The following HPSE variants were observed in gnomAD, a reference collection of about 807,000 sequenced individuals.
HPSE encodes heparanase.
Under a neutral mutation model 65.1 loss-of-function variants are expected in HPSE, and 48 were observed. The ratio of observed to expected loss-of-function variants is 0.74; its 90% CI spans 0.58 to 0.94. HPSE has a LOEUF of 0.94. HPSE is among the 40% of genes least tolerant of loss of function. The probability of loss-of-function intolerance (pLI) is 0.00; values close to 1 mark genes in which losing one functional copy is unlikely to be tolerated. For synonymous variants in HPSE, 243 were observed against 260.0 expected (o/e 0.93, Z 0.63); for missense variants, 644 against 637.5 (o/e 1.01, Z -0.11).
chr4:83,322,385 A>G (rs975783481), intron 1 of HPSE, 21 bp from the exon 2 acceptor site: 2 of 1,590,664 alleles, frequency 1.3e-6, no homozygotes, highest in Non-Finnish European at 1.7e-6. Flanking sequence ...GACAAGCAAG[A>G]AAGTATAACT....
At chr4:83,297,403 C>T (rs191681547) in intron 11 of HPSE, among the ~76,000 whole-genome samples, 2 of 151,816 alleles carry the variant, frequency 1.3e-5, no homozygotes, top group African/African-American at 4.8e-5. Flanking sequence ...TTCTTCCCCC[C>T]ACCCCAGCAC....
intron 1 of HPSE, among the ~76,000 whole-genome samples, chr4:83,325,160 T>C (rs1182987830): frequency 1.3e-5 from 2 of 151,022 alleles, no homozygotes; most frequent in Non-Finnish European, 3.0e-5. Flanking sequence ...TGTGTGTGTG[T>C]GTGTGTGTGT....
intron 4 of HPSE, among the ~76,000 whole-genome samples, chr4:83,312,346 C>A (rs1736415088): frequency 6.6e-6 from 1 of 152,162 alleles, no homozygotes; most frequent in Admixed American, 6.5e-5. Context: ...TGAGCACTTG[C>A]AAGAATGTGC....
chr4:83,334,881 T>G, upstream of HPSE: 1 of 1,431,628 alleles, frequency 7.0e-7, no homozygotes, highest in Non-Finnish European at 9.1e-7. Context: ...CCTTTTCTCC[T>G]TTCCTCCGCC....
chr4:83,334,914 C>G (rs557867176), upstream of HPSE: 37 of 1,370,180 alleles, frequency 2.7e-5, no homozygotes, highest in African/African-American at 4.7e-4. Context: ...CTCACCCCTC[C>G]CACTGCGCCC....
At chr4:83,333,635 G>A (rs1201345511) in intron 1 of HPSE, among the ~76,000 whole-genome samples, 1 of 152,120 alleles carries the variant, frequency 6.6e-6, no homozygotes, top group Non-Finnish European at 1.5e-5. Flanking sequence ...TGCATTCATG[G>A]GGCAGGAGCC....
intron 3 of HPSE, among the ~76,000 whole-genome samples, chr4:83,313,677 A>AAAT (rs1392379558): frequency 6.6e-6 from 1 of 152,208 alleles, no homozygotes; most frequent in Non-Finnish European, 1.5e-5. Context: ...TTCAGTTAAA[A>AAAT]AATATTTTGA....
chr4:83,309,052 G>C (rs1196594121), intron 7 of HPSE, 101 bp from the exon 8 acceptor site: 2 of 817,664 alleles, frequency 2.4e-6, no homozygotes, highest in African/African-American at 3.4e-5. Flanking sequence ...TGTATTCCTA[G>C]ACCCACCCCT....
At chr4:83,311,126 T>C (rs1346259171) in intron 4 of HPSE, among the ~76,000 whole-genome samples, 1 of 149,944 alleles carries the variant, frequency 6.7e-6, no homozygotes, top group Non-Finnish European at 1.5e-5. Flanking sequence ...CTGGGTAACA[T>C]AGTAAAGCCC....
Position 83,302,221 on chromosome 4 carries a change from C to CA in HPSE, c.1253dup (p.Leu419ValfsTer23). The CA allele has an allele frequency of 6.2e-7, 1 of 1,613,958 alleles. No individual in the cohort carries two copies. ...TTGAACCTTGCACGCTTGCCATTAA[C>CA]ACCTTGGTGCCCACCAATTTCTTGA... On this transcript the variant is annotated frameshift_variant, in exon 10 of 12. Coordinates refer to ENST00000311412, the MANE Select transcript of HPSE (RefSeq NM_001098540.3). LOFTEE classifies it high-confidence loss of function.
At chr4:83,313,065 T>C in intron 4 of HPSE, 49 bp downstream of exon 4, 1 of 1,091,242 alleles carries the variant, frequency 9.2e-7, no homozygotes, top group Non-Finnish European at 1.3e-6. Context: ...AAAGAAATAA[T>C]GCTAGTGGGG....
At chr4:83,305,199 G>A (rs1423000332) in intron 9 of HPSE, among the ~76,000 whole-genome samples, 2 of 152,154 alleles carry the variant, frequency 1.3e-5, no homozygotes, top group Admixed American at 1.3e-4. Flanking sequence ...GTTTATGTCT[G>A]GGCCCTGGGA....
chr4:83,308,220 C>A (rs1453130295), intron 8 of HPSE, among the ~76,000 whole-genome samples: 2 of 151,844 alleles, frequency 1.3e-5, no homozygotes, highest in East Asian at 1.9e-4. Flanking sequence ...CCAGCCTGGG[C>A]AACATGTCAA....
rs75394813 is a variant in HPSE, at chr4:83,319,531, A to G, written c.374-62T>C. 4.6e-3 allele frequency: 6,879 copies of G among 1,500,818 alleles called. 239 individuals are homozygous for G. The African/African-American group carries it at 0.078, about 17-fold the overall frequency. 93.0% of individuals were successfully genotyped at this position (1,500,818 alleles called of 1,614,324 possible). On this transcript the variant is annotated intron_variant, in intron 2 of 11. Coordinates refer to ENST00000311412, the MANE Select transcript of HPSE (RefSeq NM_001098540.3). The stretch of plus-strand genomic sequence containing the variant: ...CACAGTGAGCAGACTGAAATCGCAT[A>G]TATTTATTTAGTTAGCTATTTATGT...
intron 3 of HPSE, among the ~76,000 whole-genome samples, chr4:83,318,929 C>T (rs4568236): frequency 0.8 from 120,876 of 151,958 alleles, 48,219 homozygotes; most frequent in East Asian, 0.87. Context: ...GCCCTCCTGC[C>T]TAATGCTCTA....
intron 1 of HPSE, among the ~76,000 whole-genome samples, chr4:83,323,840 T>C (rs1258619686): frequency 6.6e-6 from 1 of 152,196 alleles, no homozygotes; most frequent in African/African-American, 2.4e-5. Context: ...GAATGATCTA[T>C]AATCCCTTCC....
intron 8 of HPSE, among the ~76,000 whole-genome samples, chr4:83,307,984 C>A (rs561170400): frequency 6.6e-6 from 1 of 152,292 alleles, no homozygotes; most frequent in East Asian, 1.9e-4. Context: ...ATGATAGCCC[C>A]TCTGGTGGGA....
At position 83,311,534 on chromosome 4, in the gene HPSE, T is replaced by G. The variant is rs187694931; in HGVS notation, c.674-644A>C. Among the ~76,000 whole-genome samples the G allele has an allele frequency of 2.0e-5, 3 of 152,250 alleles. No homozygotes were observed. The East Asian group carries it at 5.8e-4, about 29-fold the overall frequency. ...AAAAAAGGTTTGAGACCGGGCACAGTGGCTCATGCCTATAATCCCAGCACT... is the reference window on the plus strand; with the variant it reads ...AAAAAAGGTTTGAGACCGGGCACAGGGGCTCATGCCTATAATCCCAGCACT... On this transcript the variant is annotated intron_variant, in intron 4 of 11. Transcript: ENST00000311412.
intron 4 of HPSE, among the ~76,000 whole-genome samples, chr4:83,311,276 G>A (rs1736365009): frequency 6.6e-6 from 1 of 152,166 alleles, no homozygotes; most frequent in African/African-American, 2.4e-5. Context: ...CCGCACTCCA[G>A]CCTGAGTGAC....
Sources: gnomAD v4.1 joint callset for allele counts (sites outside exome capture counted in the v4.1 genomes callset) on GRCh38, gnomAD v4.1.1 for gene constraint, MANE v1.5 for transcripts, NCBI Gene and HGNC (gene_info 2026-07-23, HGNC 2026-07-21) for gene names.